Variants in DTL observed in about 807,000 individuals in gnomAD.
DTL encodes the protein denticleless protein homolog.
DTL carries 46 observed loss-of-function variants against 87.0 expected under a neutral mutation model. The observed-to-expected ratio is 0.53, with a 90% CI of 0.42 to 0.68. DTL has a LOEUF of 0.68. Among genes scored for constraint, DTL ranks in the 30% least tolerant of loss-of-function variants. The probability of loss-of-function intolerance (pLI) is 0.00; values close to 1 mark genes in which losing one functional copy is unlikely to be tolerated. For missense variants in DTL, 737 were observed against 869.4 expected (o/e 0.85, Z 1.91); for synonymous variants, 308 against 311.2 (o/e 0.99, Z 0.11).
chr1:212,050,498 A>G (rs1667936819), intron 5 of DTL, among the ~76,000 whole-genome samples: 1 of 152,162 alleles, frequency 6.6e-6, no homozygotes, highest in African/African-American at 2.4e-5. Flanking sequence ...ACTTACCTAT[A>G]TTTACACCTT....
chr1:212,100,000 C>T (rs1655567909), intron 13 of DTL, among the ~76,000 whole-genome samples: 3 of 152,012 alleles, frequency 2.0e-5, no homozygotes, highest in Admixed American at 2.0e-4. Context: ...TAAATTTTTT[C>T]TCTTTATGTT....
intron 11 of DTL, among the ~76,000 whole-genome samples, chr1:212,073,547 T>C (rs1162573081): frequency 2.0e-5 from 3 of 152,192 alleles, no homozygotes; most frequent in African/African-American, 7.2e-5. Context: ...GCATAATTCT[T>C]CAGCTTAATT....
At position 212,102,822 on chromosome 1, in the gene DTL, T is replaced by A; in HGVS notation, c.2095-20T>A. On this transcript the variant is annotated intron_variant, in intron 14 of 14. Transcript: ENST00000366991. Reference sequence around the variant, plus strand: ...TTGAACTTCAAGGAAATCTCTGAAATCTAAACTTTCTTCTTCTAGGTCACC... The same window carrying A: ...TTGAACTTCAAGGAAATCTCTGAAAACTAAACTTTCTTCTTCTAGGTCACC... The A allele has an allele frequency of 6.5e-7, 1 of 1,548,202 alleles. No homozygotes were observed. Among genetic ancestry groups the A allele is most frequent in the Non-Finnish European group, 8.9e-7 (1 of 1,123,024 alleles).
At chr1:212,055,259 C>T (rs1668134735) in intron 5 of DTL, among the ~76,000 whole-genome samples, 1 of 151,078 alleles carries the variant, frequency 6.6e-6, no homozygotes. Context: ...GTGGGAGACC[C>T]CCAGCAGCCC....
chr1:212,043,539 C>T (rs2102526757), intron 2 of DTL, among the ~76,000 whole-genome samples: 1 of 152,140 alleles, frequency 6.6e-6, no homozygotes, highest in South Asian at 2.1e-4. Flanking sequence ...CTTTAGGACG[C>T]CAAGGTAGGT....
At chr1:212,088,819 G>T (rs963818208) in intron 13 of DTL, among the ~76,000 whole-genome samples, 2 of 152,238 alleles carry the variant, frequency 1.3e-5, no homozygotes, top group African/African-American at 4.8e-5. Flanking sequence ...GGGCACGGTG[G>T]CTCACGCCTG....
chr1:212,055,168 G>C (rs932958402), intron 5 of DTL, among the ~76,000 whole-genome samples: 2 of 149,848 alleles, frequency 1.3e-5, no homozygotes, highest in Non-Finnish European at 2.9e-5. Context: ...CGGAAGCAAG[G>C]AAGGAGAGAA....
intron 10 of DTL, among the ~76,000 whole-genome samples, chr1:212,069,159 CT>C (rs5780672): frequency 0.013 from 1,870 of 148,156 alleles, 29 homozygotes; most frequent in African/African-American, 0.038. Context: ...CCAGCCTCAC[CT>C]TTTTTTTTTC....
chr1:212,091,041 G>T (rs964006585), intron 13 of DTL, among the ~76,000 whole-genome samples: 1 of 152,188 alleles, frequency 6.6e-6, no homozygotes, highest in Admixed American at 6.5e-5. Flanking sequence ...CTATACCTTA[G>T]AATACATTGT....
Position 212,068,519 on chromosome 1 carries a change from ATCTATT to A in DTL, c.818-78_818-73del, listed in dbSNP as rs576769093. 2.8e-4 allele frequency: 264 copies of A among 947,638 alleles called. 3 individuals are homozygous for A. The East Asian group carries it at 4.0e-3, about 14-fold the overall frequency. 58.7% of individuals were successfully genotyped at this position (947,638 alleles called of 1,614,324 possible). ...TTCTGATGATGATTCTTATGAAATG[ATCTATT>A]TTTGTCTCTACATTTTAACCTCAGA... is the stretch of plus-strand genomic sequence containing the variant. On this transcript the variant is annotated intron_variant, in intron 9 of 14. Transcript: ENST00000366991.
chr1:212,062,796 A>T, intron 5 of DTL, 88 bp from the exon 6 acceptor site: 1 of 1,016,442 alleles, frequency 9.8e-7, no homozygotes, highest in Non-Finnish European at 1.6e-6. Flanking sequence ...CCTAGCACAT[A>T]ATAGATAGTC....
rs1484783477 is a variant in DTL, at chr1:212,065,022, C to T, written c.632C>T (p.Pro211Leu). ...AAACAGAATTCAAAAGGACTTGCTC[C>T]TTCTGTGGTAAGGTTTTACAGATGT... is the stretch of plus-strand genomic sequence containing the variant. ...KKKQNSKGLA[P>L]SVDFQQSVTV... The change falls in exon 7 of 15, where the codon CCT (proline) becomes CTT (leucine). Residue 211 changes from proline to leucine, a missense_variant. Physicochemically the swap from Pro to Leu is moderately conservative, Grantham distance 98. Transcript: ENST00000366991. 1.2e-6 allele frequency: 2 copies of T among 1,611,912 alleles called. No individual in the cohort carries two copies. The highest frequency in any genetic ancestry group is 1.7e-6 in the Non-Finnish European group (2 of 1,178,072).
At chr1:212,067,364 T>TAA (rs1335726570) in intron 8 of DTL, among the ~76,000 whole-genome samples, 14 of 152,216 alleles carry the variant, frequency 9.2e-5, no homozygotes, top group African/African-American at 2.7e-4. Context: ...GACTTTCACA[T>TAA]ACCTGTCATC....
chr1:212,095,669 A>G (rs1263782318), intron 13 of DTL, among the ~76,000 whole-genome samples: 2 of 152,308 alleles, frequency 1.3e-5, no homozygotes, highest in Admixed American at 1.3e-4. Context: ...TATATGGTGT[A>G]TCACATGTAT....
intron 13 of DTL, among the ~76,000 whole-genome samples, chr1:212,086,433 A>G (rs1655131304): frequency 6.6e-6 from 1 of 152,234 alleles, no homozygotes; most frequent in African/African-American, 2.4e-5. Context: ...TCCCTTATAC[A>G]TAGAGATTCT....
intron 9 of DTL, 125 bp downstream of exon 9, chr1:212,068,452 A>C: frequency 1.2e-6 from 1 of 837,954 alleles, no homozygotes; most frequent in Non-Finnish European, 1.9e-6. Flanking sequence ...ATAAAAACTC[A>C]GAAGAATGTT....
At position 212,062,891 on chromosome 1, in the gene DTL, C is replaced by G. The variant is rs762021747; in HGVS notation, c.468C>G (p.Phe156Leu). ...CTGTTTATTTCCCCACAGCTGTATT[C>G]TGTACGGGTGGAAGAGATGGCAACA... is the stretch of plus-strand genomic sequence containing the variant. ...VAFSKFEKAV[F>L]CTGGRDGNIM... The change falls in exon 6 of 15, where the codon TTC (phenylalanine) becomes TTG (leucine). Residue 156 changes from phenylalanine (F) to leucine (L), a missense_variant. Physicochemically the swap from Phe to Leu is conservative, Grantham distance 22. Transcript: ENST00000366991. The G allele has an allele frequency of 6.2e-7, 1 of 1,613,212 alleles. No individual in the cohort carries two copies. The highest frequency in any genetic ancestry group is 1.1e-5 in the South Asian group (1 of 91,056).
At chr1:212,081,775 C>CT (rs1294867814) in intron 13 of DTL, among the ~76,000 whole-genome samples, 2 of 152,078 alleles carry the variant, frequency 1.3e-5, no homozygotes, top group Non-Finnish European at 2.9e-5. Context: ...GCTTAAGAAG[C>CT]TGAAAAGATG....
chr1:212,077,512 A>G (rs145747612), intron 11 of DTL: 21 of 152,850 alleles, frequency 1.4e-4, no homozygotes, highest in African/African-American at 5.0e-4. Context: ...TTCAGAAAGG[A>G]TACCAAAGTG....
Sources: gnomAD v4.1 joint callset for allele counts (sites outside exome capture counted in the v4.1 genomes callset) on GRCh38, gnomAD v4.1.1 for gene constraint, MANE v1.5 for transcripts, NCBI Gene and HGNC (gene_info 2026-07-23, HGNC 2026-07-21) for gene names.